ANKRD10: variants seen among roughly 807,000 people sequenced by gnomAD.
ANKRD10 encodes ankyrin repeat domain-containing protein 10.
ANKRD10 carries 14 observed loss-of-function variants against 27.0 expected under a neutral mutation model. The observed-to-expected ratio is 0.52, with a 90% CI of 0.34 to 0.81. ANKRD10 has a LOEUF of 0.81. Among genes scored for constraint, ANKRD10 ranks in the 40% least tolerant of loss-of-function variants. ANKRD10 has a pLI of 0.01. For synonymous variants in ANKRD10, 250 were observed against 224.5 expected (o/e 1.11, Z -1.01); for missense variants, 493 against 544.0 (o/e 0.91, Z 0.93).
chr13:110,901,013 C>G (rs1426377924), intron 3 of ANKRD10, among the ~76,000 whole-genome samples: 1 of 152,094 alleles, frequency 6.6e-6, no homozygotes, highest in Non-Finnish European at 1.5e-5. Context: ...TAAAAACCAT[C>G]AACTCACGAT....
intron 3 of ANKRD10, chr13:110,900,587 C>T (rs769624030): frequency 7.4e-7 from 1 of 1,351,730 alleles, no homozygotes; most frequent in Non-Finnish European, 9.8e-7. Flanking sequence ...AATGCCACAA[C>T]TGTAAGGTTT....
At chr13:110,880,395 CCAA>C (rs946869504) in intron 5 of ANKRD10, among the ~76,000 whole-genome samples, 3 of 152,104 alleles carry the variant, frequency 2.0e-5, no homozygotes, top group African/African-American at 7.2e-5. Context: ...ATGAAAAATA[CCAA>C]CACAGTCCTG....
At chr13:110,911,990 A>C (rs991500993) in intron 1 of ANKRD10, among the ~76,000 whole-genome samples, 1 of 152,260 alleles carries the variant, frequency 6.6e-6, no homozygotes, top group Non-Finnish European at 1.5e-5. Context: ...CCTACAGCAT[A>C]ACTGAGCAAT....
intron 5 of ANKRD10, among the ~76,000 whole-genome samples, chr13:110,880,931 A>C (rs2064805348): frequency 6.6e-6 from 1 of 152,202 alleles, no homozygotes; most frequent in South Asian, 2.1e-4. Flanking sequence ...GGGTTTCATT[A>C]GGTTACTTTC....
intron 4 of ANKRD10, 57 bp downstream of exon 4, chr13:110,892,971 A>C (rs966819276): frequency 4.4e-6 from 7 of 1,592,480 alleles, no homozygotes; most frequent in Admixed American, 1.8e-5. Flanking sequence ...ATAAAAAGAA[A>C]ACATATTACA....
chr13:110,900,816 T>A, intron 3 of ANKRD10: 1 of 586,462 alleles, frequency 1.7e-6, no homozygotes, highest in Admixed American at 2.8e-5. Flanking sequence ...GCAGGCAACA[T>A]TTGGATTAAA....
intron 3 of ANKRD10, among the ~76,000 whole-genome samples, chr13:110,898,750 C>CTTT (rs56176208): frequency 5.6e-4 from 60 of 106,464 alleles, no homozygotes; most frequent in Non-Finnish European, 8.5e-4. Flanking sequence ...TTTTTCTTTT[C>CTTT]TTTTTTTTTT....
intron 4 of ANKRD10, among the ~76,000 whole-genome samples, chr13:110,892,457 C>T (rs9588294): frequency 0.079 from 5,701 of 72,220 alleles, 458 homozygotes; most frequent in African/African-American, 0.25. Context: ...ATACTTACAA[C>T]GAAAATAACT....
At chr13:110,894,538 AC>A (rs1404940556) in intron 3 of ANKRD10, 2 of 167,086 alleles carry the variant, frequency 1.2e-5, no homozygotes, top group Non-Finnish European at 2.6e-5. Context: ...TAGAGCTCTG[AC>A]CTTGGAAATG....
intron 4 of ANKRD10, among the ~76,000 whole-genome samples, chr13:110,884,191 TA>T (rs199875741): frequency 6.7e-6 from 1 of 149,186 alleles, no homozygotes; most frequent in African/African-American, 2.4e-5. Context: ...CCTGATTTTT[TA>T]AAAAAATCCA....
At chr13:110,889,107 A>T (rs1028670495) in intron 4 of ANKRD10, among the ~76,000 whole-genome samples, 3 of 130,502 alleles carry the variant, frequency 2.3e-5, no homozygotes, top group Non-Finnish European at 5.4e-5. Flanking sequence ...TCATTGAAAA[A>T]CGACCACAGT....
chr13:110,892,436 A>AAAAAAAAAAT (rs1555321016), intron 4 of ANKRD10, among the ~76,000 whole-genome samples: 3 of 144,570 alleles, frequency 2.1e-5, no homozygotes, highest in Non-Finnish European at 3.1e-5. Flanking sequence ...AAAAAAAAAA[A>AAAAAAAAAAT]TGGTGGGAGA....
At chr13:110,902,837 C>T (rs1041241554) in intron 3 of ANKRD10, among the ~76,000 whole-genome samples, 3 of 151,796 alleles carry the variant, frequency 2.0e-5, no homozygotes, top group African/African-American at 7.2e-5. Flanking sequence ...TATTTCTACT[C>T]AGTGGCAAAA....
chr13:110,909,179 T>C (rs1362770289), intron 2 of ANKRD10, among the ~76,000 whole-genome samples: 2 of 152,226 alleles, frequency 1.3e-5, no homozygotes, highest in Non-Finnish European at 1.5e-5. Flanking sequence ...CTAAATAAGA[T>C]GCTATGTAAC....
intron 3 of ANKRD10, among the ~76,000 whole-genome samples, chr13:110,893,575 A>C (rs2065140739): frequency 6.6e-6 from 1 of 152,250 alleles, no homozygotes; most frequent in South Asian, 2.1e-4. Flanking sequence ...TTCAGACTTG[A>C]AACTGAATTC....
chr13:110,906,484 C>T (rs541791688), intron 2 of ANKRD10, among the ~76,000 whole-genome samples: 2 of 152,152 alleles, frequency 1.3e-5, no homozygotes, highest in African/African-American at 2.4e-5. Flanking sequence ...CACACACACA[C>T]ATTAAAACGG....
Position 110,914,968 on chromosome 13 carries a change from C to T in ANKRD10, c.-34G>A. The T allele has an allele frequency of 6.6e-7, 1 of 1,517,626 alleles. No individual in the cohort carries two copies. Among genetic ancestry groups the T allele is most frequent in the South Asian group, 1.2e-5 (1 of 81,106 alleles). The allele number at this position is 1,517,626 out of a possible 1,614,324, so 94.0% of individuals were successfully genotyped here. ...ACCGGAGAGCGCGGGGCTCGCTGGC[C>T]TAGAGGACGCGTCGGGGAGGACTCG... is the stretch of plus-strand genomic sequence containing the variant. On this transcript the variant is annotated 5_prime_UTR_variant, in exon 1 of 6. Coordinates refer to ENST00000267339, the MANE Select transcript of ANKRD10 (RefSeq NM_017664.4).
At chr13:110,889,618 A>G (rs1379213987) in intron 4 of ANKRD10, among the ~76,000 whole-genome samples, 1 of 152,260 alleles carries the variant, frequency 6.6e-6, no homozygotes, top group Non-Finnish European at 1.5e-5. Flanking sequence ...CCAATTTAAA[A>G]TACTTGAAAG....
chr13:110,897,207 C>T (rs528753754), intron 3 of ANKRD10, among the ~76,000 whole-genome samples: 7 of 151,996 alleles, frequency 4.6e-5, no homozygotes, highest in African/African-American at 1.4e-4. Context: ...GTTCACCACA[C>T]CCTGGAACTC....
Sources: allele counts gnomAD v4.1 joint callset (sites outside exome capture counted in the v4.1 genomes callset), GRCh38; gene constraint gnomAD v4.1.1; transcripts MANE v1.5; gene names NCBI Gene and HGNC (gene_info 2026-07-23, HGNC 2026-07-21).